The following ZFHX3 variants were observed in gnomAD, a reference collection of about 807,000 sequenced individuals.
ZFHX3 encodes the protein zinc finger homeobox 3, also known as zinc finger homeobox protein 3.
Under a neutral mutation model 279.1 loss-of-function variants are expected in ZFHX3, and 42 were observed. That is an observed-to-expected ratio of 0.15 (90% CI 0.12 to 0.19). ZFHX3 has a LOEUF of 0.19. ZFHX3 is among the 10% of genes least tolerant of loss of function. The pLI is 1.00. For missense variants in ZFHX3, 4,981 were observed against 4,754.0 expected (o/e 1.05, Z -1.40); for synonymous variants, 2,293 against 1,957.8 (o/e 1.17, Z -4.52).
chr16:73,841,344 G>A (rs1471670985), intron 1 of ZFHX3, among the ~76,000 whole-genome samples: 1 of 152,090 alleles, frequency 6.6e-6, no homozygotes, highest in Non-Finnish European at 1.5e-5. Flanking sequence ...GGGGTGGGTG[G>A]GAGCTGGGTG....
intron 6 of ZFHX3, among the ~76,000 whole-genome samples, chr16:73,143,079 AT>A (rs541463903): frequency 1.1e-3 from 166 of 146,204 alleles, no homozygotes; most frequent in Middle Eastern, 3.5e-3. Flanking sequence ...GACCCAACAG[AT>A]TTTTTTTTTT....
At chr16:73,302,435 C>T (rs980255686) in intron 4 of ZFHX3, among the ~76,000 whole-genome samples, 6 of 152,190 alleles carry the variant, frequency 3.9e-5, no homozygotes, top group South Asian at 2.1e-4. Context: ...GTCTAACAAG[C>T]GTTGAACACA....
intron 4 of ZFHX3, among the ~76,000 whole-genome samples, chr16:73,281,309 G>T (rs60449199): frequency 0.14 from 21,889 of 152,096 alleles, 1,665 homozygotes; most frequent in East Asian, 0.22. Context: ...TAAAAAAGAG[G>T]GAAACCCTGC....
At chr16:73,429,165 C>T (rs2017865786) in intron 3 of ZFHX3, among the ~76,000 whole-genome samples, 1 of 152,130 alleles carries the variant, frequency 6.6e-6, no homozygotes, top group South Asian at 2.1e-4. Flanking sequence ...CTCCCAATCA[C>T]CCTACTCTGG....
chr16:73,416,317 T>C (rs1000772143), intron 3 of ZFHX3, among the ~76,000 whole-genome samples: 14 of 151,990 alleles, frequency 9.2e-5, no homozygotes, highest in Non-Finnish European at 1.0e-4. Flanking sequence ...GAATCCTTTA[T>C]AGGGACCAGG....
At chr16:73,666,609 T>C (rs947877777) in intron 2 of ZFHX3, among the ~76,000 whole-genome samples, 4 of 151,976 alleles carry the variant, frequency 2.6e-5, no homozygotes, top group African/African-American at 7.3e-5. Context: ...CTCTTTATAG[T>C]CACACTTGCT....
intron 1 of ZFHX3, among the ~76,000 whole-genome samples, chr16:73,832,982 T>C (rs905263946): frequency 2.6e-5 from 4 of 152,208 alleles, no homozygotes; most frequent in East Asian, 3.8e-4. Flanking sequence ...ATACCAGCCT[T>C]ATACACAAAG....
Position 73,482,538 on chromosome 16 carries a change from G to A in ZFHX3, c.-1546-26280C>T, listed in dbSNP as rs190509750. On this transcript the variant is annotated intron_variant, in intron 2 of 17. Coordinates refer to the ZFHX3 transcript ENST00000641206. ...CATCTTGCATTTGGCCAGAGGTCTCGGGAAGCCTCTCCAGGCTGTGTAGGG... is the reference window on the plus strand; with the variant it reads ...CATCTTGCATTTGGCCAGAGGTCTCAGGAAGCCTCTCCAGGCTGTGTAGGG... 7.8e-4 allele frequency among the ~76,000 whole-genome samples: 118 copies of A among 152,246 alleles called. 3 individuals carry two copies. In the East Asian group the frequency reaches 0.021, roughly 27 times the overall value.
chr16:73,269,897 C>T (rs1017824896), intron 4 of ZFHX3, among the ~76,000 whole-genome samples: 3 of 151,948 alleles, frequency 2.0e-5, no homozygotes, highest in South Asian at 2.1e-4. Flanking sequence ...AAGAGGTGTG[C>T]GCCACCATGC....
At chr16:73,788,123 G>T (rs61460117) in intron 1 of ZFHX3, among the ~76,000 whole-genome samples, 2 of 151,958 alleles carry the variant, frequency 1.3e-5, no homozygotes, top group African/African-American at 4.8e-5. Flanking sequence ...AAGAACAGTA[G>T]CTGTAGGAGA....
chr16:73,183,684 T>G (rs1967849449), intron 5 of ZFHX3, among the ~76,000 whole-genome samples: 1 of 152,192 alleles, frequency 6.6e-6, no homozygotes, highest in South Asian at 2.1e-4. Flanking sequence ...CTAAAGGAAG[T>G]TATGTTTATA....
chr16:73,375,889 C>A (rs1007518392), intron 3 of ZFHX3, among the ~76,000 whole-genome samples: 1 of 152,142 alleles, frequency 6.6e-6, no homozygotes, highest in Non-Finnish European at 1.5e-5. Context: ...TTAGATGGAT[C>A]CTTCTCTGTG....
chr16:73,036,471 C>T (rs904702993), intron 1 of ZFHX3, among the ~76,000 whole-genome samples: 1 of 152,120 alleles, frequency 6.6e-6, no homozygotes, highest in Non-Finnish European at 1.5e-5. Context: ...TGTATTTCTC[C>T]CTGGTCTGTC....
chr16:73,366,667 A>G (rs2016536692), intron 3 of ZFHX3, among the ~76,000 whole-genome samples: 1 of 151,898 alleles, frequency 6.6e-6, no homozygotes, highest in Non-Finnish European at 1.5e-5. Flanking sequence ...GTAGCCCACA[A>G]ATTCCATTAA....
At chr16:73,382,374 T>G (rs1030496301) in intron 3 of ZFHX3, among the ~76,000 whole-genome samples, 1 of 152,228 alleles carries the variant, frequency 6.6e-6, no homozygotes, top group African/African-American at 2.4e-5. Flanking sequence ...AGATGACTTA[T>G]ATCTCTAATC....
At chr16:73,793,091 C>G (rs1167636411) in intron 1 of ZFHX3, among the ~76,000 whole-genome samples, 3 of 152,164 alleles carry the variant, frequency 2.0e-5, no homozygotes, top group African/African-American at 7.2e-5. Context: ...GAAAATTAAG[C>G]CAAATTTCCC....
chr16:73,772,726 C>A (rs973772439), intron 1 of ZFHX3, among the ~76,000 whole-genome samples: 1 of 152,190 alleles, frequency 6.6e-6, no homozygotes, highest in Admixed American at 6.5e-5. Flanking sequence ...CAATGGTATT[C>A]TTCACCTGGC....
intron 2 of ZFHX3, among the ~76,000 whole-genome samples, chr16:73,624,204 T>C (rs1211406827): frequency 6.6e-6 from 1 of 152,126 alleles, no homozygotes; most frequent in Non-Finnish European, 1.5e-5. Context: ...AATTTTAAAA[T>C]AGCACTTGTT....
intron 5 of ZFHX3, among the ~76,000 whole-genome samples, chr16:72,821,613 C>G (rs919410507): frequency 1.3e-5 from 2 of 152,204 alleles, no homozygotes; most frequent in African/African-American, 4.8e-5. Context: ...ATTCAGCCCC[C>G]CTTGCTAGGT....
Sources: allele counts gnomAD v4.1 joint callset (sites outside exome capture counted in the v4.1 genomes callset), GRCh38; gene constraint gnomAD v4.1.1; transcripts MANE v1.5; gene names NCBI Gene and HGNC (gene_info 2026-07-23, HGNC 2026-07-21).